The following TENM4 variants were observed in gnomAD, a reference collection of about 807,000 sequenced individuals.
TENM4 encodes the protein teneurin transmembrane protein 4, also known as teneurin-4.
A neutral mutation model predicts 243.3 loss-of-function variants in TENM4; 82 were observed. That is an observed-to-expected ratio of 0.34 (90% CI 0.28 to 0.40). The LOEUF is 0.40. Among genes scored for constraint, TENM4 ranks in the 10% least tolerant of loss-of-function variants. The pLI is 1.00. For synonymous variants in TENM4, 1,412 were observed against 1,456.3 expected (o/e 0.97, Z 0.69); for missense variants, 3,138 against 3,673.3 (o/e 0.85, Z 3.77).
chr11:78,829,606 C>T (rs1857931361), intron 12 of TENM4, among the ~76,000 whole-genome samples: 1 of 152,194 alleles, frequency 6.6e-6, no homozygotes, highest in African/African-American at 2.4e-5. Context: ...TTGCAGGCTT[C>T]AGAATGAGAC....
chr11:79,376,930 A>C (rs1282441016), intron 1 of TENM4, among the ~76,000 whole-genome samples: 2 of 152,206 alleles, frequency 1.3e-5, no homozygotes, highest in Non-Finnish European at 1.5e-5. Context: ...CGGAACAGGG[A>C]CATGTTATCC....
intron 1 of TENM4, among the ~76,000 whole-genome samples, chr11:79,313,355 A>G (rs1253110494): frequency 6.6e-6 from 1 of 152,154 alleles, no homozygotes; most frequent in African/African-American, 2.4e-5. Context: ...AAGCATGCCA[A>G]AACACACGCA....
intron 3 of TENM4, among the ~76,000 whole-genome samples, chr11:79,169,976 T>TG (rs1863003360): frequency 6.6e-6 from 1 of 152,216 alleles, no homozygotes. Context: ...ACAAATAGGA[T>TG]GGGGCTTTTC....
chr11:79,139,101 AAATATATATTATATTTCTATAAAT>A, intron 4 of TENM4, among the ~76,000 whole-genome samples: 1 of 45,262 alleles, frequency 2.2e-5, no homozygotes, highest in Non-Finnish European at 3.4e-5. Flanking sequence ...TAAATATATA[AAATATATATTATATTTCTATAAAT>A]ATATATTATA....
At chr11:79,093,589 C>T (rs1286014235) in intron 4 of TENM4, 1 of 152,260 alleles carries the variant, frequency 6.6e-6, no homozygotes, top group Non-Finnish European at 1.5e-5. Context: ...TATTTATGGT[C>T]CAGTGTGGGA....
chr11:78,713,755 T>A (rs1015736102), intron 25 of TENM4, among the ~76,000 whole-genome samples: 1 of 152,230 alleles, frequency 6.6e-6, no homozygotes, highest in African/African-American at 2.4e-5. Flanking sequence ...AATGATTGTG[T>A]CTCTTCTTGC....
At chr11:79,067,443 T>G (rs1367204260) in intron 5 of TENM4, among the ~76,000 whole-genome samples, 3 of 152,184 alleles carry the variant, frequency 2.0e-5, no homozygotes, top group African/African-American at 7.2e-5. Context: ...GCCGGCCCTC[T>G]CAAAGAGAAG....
intron 23 of TENM4, among the ~76,000 whole-genome samples, 163 bp downstream of exon 23, chr11:78,725,916 C>T (rs1855499410): frequency 6.6e-6 from 1 of 152,362 alleles, no homozygotes; most frequent in Middle Eastern, 3.4e-3. Context: ...AGCACAGTGA[C>T]AGGCTCAGAG....
chr11:79,233,453 C>T (rs371812753), intron 2 of TENM4, among the ~76,000 whole-genome samples: 7 of 152,070 alleles, frequency 4.6e-5, no homozygotes, highest in East Asian at 1.9e-4. Context: ...GGCAGGGGGA[C>T]GGGAAGGAGG....
At chr11:79,038,706 G>A (rs904342079) in intron 6 of TENM4, among the ~76,000 whole-genome samples, 1 of 152,140 alleles carries the variant, frequency 6.6e-6, no homozygotes, top group African/African-American at 2.4e-5. Flanking sequence ...CCCTATTTGG[G>A]GGAAACAGAG....
intron 15 of TENM4, among the ~76,000 whole-genome samples, chr11:78,799,837 AC>A (rs2136071574): frequency 6.6e-6 from 1 of 152,342 alleles, no homozygotes; most frequent in Admixed American, 6.5e-5. Context: ...TGAGCCAGCA[AC>A]CCTAAGGAAT....
At chr11:79,108,779 G>T (rs1424137848) in intron 4 of TENM4, among the ~76,000 whole-genome samples, 1 of 152,136 alleles carries the variant, frequency 6.6e-6, no homozygotes, top group South Asian at 2.1e-4. Context: ...AATAGTAGTG[G>T]CCACTGGACC....
intron 9 of TENM4, among the ~76,000 whole-genome samples, chr11:78,887,271 T>C (rs192343766): frequency 9.8e-5 from 15 of 152,376 alleles, no homozygotes; most frequent in African/African-American, 3.6e-4. Flanking sequence ...TGAAATACCC[T>C]TTCTGTATGT....
At chr11:78,883,519 C>A (rs953756294) in intron 9 of TENM4, among the ~76,000 whole-genome samples, 1 of 152,204 alleles carries the variant, frequency 6.6e-6, no homozygotes, top group Non-Finnish European at 1.5e-5. Flanking sequence ...ATACAGCAAT[C>A]AGCAACCAGT....
At chr11:78,793,137 A>G (rs965527606) in intron 15 of TENM4, among the ~76,000 whole-genome samples, 1 of 152,208 alleles carries the variant, frequency 6.6e-6, no homozygotes, top group African/African-American at 2.4e-5. Flanking sequence ...CTTACTTTAC[A>G]ATCCTGTTCA....
chr11:79,286,344 A>G (rs563997234), intron 2 of TENM4, among the ~76,000 whole-genome samples: 1 of 152,136 alleles, frequency 6.6e-6, no homozygotes, highest in African/African-American at 2.4e-5. Context: ...TTTGACCTCA[A>G]TTTTTGTTTT....
intron 9 of TENM4, among the ~76,000 whole-genome samples, chr11:78,872,677 T>C (rs1859165036): frequency 6.6e-6 from 1 of 152,172 alleles, no homozygotes; most frequent in South Asian, 2.1e-4. Context: ...GAAAGAGAAA[T>C]GTGTGTTTAG....
intron 17 of TENM4, among the ~76,000 whole-genome samples, chr11:78,772,267 G>A (rs574348600): frequency 1.3e-5 from 2 of 152,226 alleles, no homozygotes; most frequent in South Asian, 2.1e-4. Flanking sequence ...AGAAATCTAC[G>A]TTTGAGAATA....
At chr11:79,003,263 C>A (rs1160273295) in intron 6 of TENM4, among the ~76,000 whole-genome samples, 2 of 152,004 alleles carry the variant, frequency 1.3e-5, no homozygotes, top group African/African-American at 2.4e-5. Flanking sequence ...CCCAACCTTG[C>A]TAGAGAGGCC....
Sources: allele counts gnomAD v4.1 joint callset (sites outside exome capture counted in the v4.1 genomes callset), GRCh38; gene constraint gnomAD v4.1.1; transcripts MANE v1.5; gene names NCBI Gene and HGNC (gene_info 2026-07-23, HGNC 2026-07-21).